Variants in VAT1L observed in about 807,000 individuals in gnomAD.
VAT1L encodes the protein vesicle amine transport 1 like, also known as putative NADPH-dependent quinone oxidoreductase VAT1L.
In VAT1L, 34 loss-of-function variants were observed where a neutral mutation model predicts 44.1. That is an observed-to-expected ratio of 0.77 (90% CI 0.59 to 1.03). The LOEUF is 1.03. Ranked by LOEUF, VAT1L falls within the 50% of genes least tolerant of loss-of-function variation. The pLI is 0.00. For missense variants in VAT1L, 615 were observed against 538.8 expected, an observed-to-expected ratio of 1.14 and a Z score of -1.40; for synonymous variants, 253 against 202.2, an observed-to-expected ratio of 1.25 and a Z score of -2.13.
chr16:77,821,826 T>C (rs1322975873), intron 2 of VAT1L, among the ~76,000 whole-genome samples: 3 of 152,250 alleles, frequency 2.0e-5, no homozygotes, highest in African/African-American at 7.2e-5. Flanking sequence ...GTTCTGCTTT[T>C]GTAGGGGAAG....
intron 4 of VAT1L, among the ~76,000 whole-genome samples, chr16:77,872,738 G>T (rs138438603): frequency 6.6e-6 from 1 of 152,336 alleles, no homozygotes; most frequent in East Asian, 1.9e-4. Flanking sequence ...TATTGGAGCA[G>T]TGATCACTCT....
chr16:77,960,914 C>G (rs1244104931), intron 7 of VAT1L, among the ~76,000 whole-genome samples: 1 of 152,038 alleles, frequency 6.6e-6, no homozygotes, highest in Non-Finnish European at 1.5e-5. Context: ...CCATGGGTCA[C>G]GCGCTGAGTC....
At chr16:77,824,238 G>C (rs1311758577) in intron 2 of VAT1L, among the ~76,000 whole-genome samples, 2 of 152,118 alleles carry the variant, frequency 1.3e-5, no homozygotes, top group Admixed American at 6.5e-5. Flanking sequence ...ACACTTCCCA[G>C]GACTTTCACT....
chr16:77,971,754 T>C (rs2018280062), intron 7 of VAT1L, 96 bp from the exon 8 acceptor site: 2 of 1,315,466 alleles, frequency 1.5e-6, no homozygotes, highest in African/African-American at 3.0e-5. Context: ...CAGCGCCCTC[T>C]GGTGGTCACT....
At chr16:77,863,918 T>C (rs572256648) in intron 4 of VAT1L, among the ~76,000 whole-genome samples, 1 of 152,242 alleles carries the variant, frequency 6.6e-6, no homozygotes, top group South Asian at 2.1e-4. Flanking sequence ...CTATGATTGA[T>C]TTGAGTTTTG....
intron 7 of VAT1L, among the ~76,000 whole-genome samples, chr16:77,939,301 C>T (rs769655283): frequency 6.6e-6 from 1 of 152,148 alleles, no homozygotes; most frequent in Non-Finnish European, 1.5e-5. Flanking sequence ...CCAGTATGCA[C>T]GAGCTCCTGA....
At chr16:77,802,441 C>A (rs574138968) in intron 1 of VAT1L, among the ~76,000 whole-genome samples, 12 of 152,174 alleles carry the variant, frequency 7.9e-5, no homozygotes, top group Admixed American at 3.9e-4. Flanking sequence ...ATGGTAAAAG[C>A]CCGTCTCTAC....
At chr16:77,795,281 G>GA (rs750353695) in intron 1 of VAT1L, among the ~76,000 whole-genome samples, 8 of 79,526 alleles carry the variant, frequency 1.0e-4, no homozygotes, top group African/African-American at 3.6e-4. Context: ...TTACAGTGGG[G>GA]GCGGGGGGAA....
chr16:77,927,629 G>A (rs1217681119), intron 7 of VAT1L, among the ~76,000 whole-genome samples: 1 of 152,054 alleles, frequency 6.6e-6, no homozygotes, highest in African/African-American at 2.4e-5. Context: ...TGTAATCCCA[G>A]CACTTTGGGA....
At chr16:77,876,841 G>A (rs116730846) in intron 5 of VAT1L, among the ~76,000 whole-genome samples, 229 of 152,282 alleles carry the variant, frequency 1.5e-3, no homozygotes, top group African/African-American at 5.2e-3. Flanking sequence ...GTAGGATGGG[G>A]AAGAGTGGCT....
intron 4 of VAT1L, among the ~76,000 whole-genome samples, chr16:77,865,141 T>C (rs8055509): frequency 0.26 from 39,561 of 151,612 alleles, 5,299 homozygotes; most frequent in East Asian, 0.41. Context: ...ACCTGGCTAA[T>C]TTTTTGTATT....
chr16:77,931,093 C>T (rs2017726169), intron 7 of VAT1L, among the ~76,000 whole-genome samples: 1 of 152,174 alleles, frequency 6.6e-6, no homozygotes, highest in African/African-American at 2.4e-5. Flanking sequence ...CTGCAATTAA[C>T]ACCCAGGTTA....
At chr16:77,919,542 G>A (rs1027539967) in intron 7 of VAT1L, among the ~76,000 whole-genome samples, 1 of 152,200 alleles carries the variant, frequency 6.6e-6, no homozygotes, top group African/African-American at 2.4e-5. Flanking sequence ...AAGCGTTACT[G>A]AGCGAGTCTG....
At chr16:77,835,363 C>T (rs2016628385) in intron 3 of VAT1L, among the ~76,000 whole-genome samples, 1 of 152,070 alleles carries the variant, frequency 6.6e-6, no homozygotes, top group Non-Finnish European at 1.5e-5. Flanking sequence ...TTTTGGCTGC[C>T]TCTGGTATGT....
intron 2 of VAT1L, among the ~76,000 whole-genome samples, chr16:77,821,535 T>C (rs1286014975): frequency 1.3e-5 from 2 of 152,250 alleles, no homozygotes; most frequent in South Asian, 2.1e-4. Flanking sequence ...TCAAGTAATC[T>C]ATGTTCCTCA....
intron 7 of VAT1L, among the ~76,000 whole-genome samples, chr16:77,916,958 A>C (rs1466709235): frequency 2.0e-5 from 3 of 152,164 alleles, no homozygotes; most frequent in African/African-American, 7.2e-5. Context: ...TGGGAGTTCT[A>C]ATAGACATTG....
intron 7 of VAT1L, among the ~76,000 whole-genome samples, chr16:77,925,694 C>A (rs935705099): frequency 2.0e-4 from 31 of 152,024 alleles, no homozygotes; most frequent in African/African-American, 7.5e-4. Flanking sequence ...CTGCAGATGA[C>A]GTAAAATCTA....
At chr16:77,797,455 C>T (rs2015958462) in intron 1 of VAT1L, among the ~76,000 whole-genome samples, 1 of 152,164 alleles carries the variant, frequency 6.6e-6, no homozygotes, top group African/African-American at 2.4e-5. Flanking sequence ...CACCCAACTT[C>T]CAGGGTTGGG....
At chr16:77,881,131 G>T (rs2017149643) in intron 6 of VAT1L, among the ~76,000 whole-genome samples, 1 of 152,322 alleles carries the variant, frequency 6.6e-6, no homozygotes, top group East Asian at 1.9e-4. Context: ...AGACTGCTGG[G>T]TCAAATGGTA....
Sources: allele counts gnomAD v4.1 joint callset (sites outside exome capture counted in the v4.1 genomes callset), GRCh38; gene constraint gnomAD v4.1.1; transcripts MANE v1.5; gene names NCBI Gene and HGNC (gene_info 2026-07-23, HGNC 2026-07-21).